The following STAP1 variants were observed in gnomAD, a reference collection of about 807,000 sequenced individuals.
The protein encoded by STAP1 is signal transducing adaptor family member 1, also known as signal-transducing adaptor protein 1.
Under a neutral mutation model 37.8 loss-of-function variants are expected in STAP1, and 30 were observed. The observed-to-expected ratio is 0.79, with a 90% CI of 0.59 to 1.08. The LOEUF (loss-of-function observed/expected upper bound fraction) is 1.08, where lower values mean the gene tolerates loss of function less well. Ranked by LOEUF, STAP1 falls within the 50% of genes least tolerant of loss-of-function variation. STAP1 has a pLI of 0.00. For synonymous variants in STAP1, 130 were observed against 116.0 expected, an observed-to-expected ratio of 1.12 and a Z score of -0.78; for missense variants, 357 against 349.4, an observed-to-expected ratio of 1.02 and a Z score of -0.17.
intron 6 of STAP1, among the ~76,000 whole-genome samples, chr4:67,590,100 C>T: frequency 6.6e-6 from 1 of 152,142 alleles, no homozygotes; most frequent in Non-Finnish European, 1.5e-5. Flanking sequence ...CCATCCCACT[C>T]ATCCAGCTCC....
intron 8 of STAP1, among the ~76,000 whole-genome samples, chr4:67,596,448 A>G (rs28490955): frequency 0.13 from 19,663 of 152,192 alleles, 2,424 homozygotes; most frequent in African/African-American, 0.32. Context: ...GGGTCCTGCT[A>G]TAAAGCAACT....
At chr4:67,604,667 A>G (rs1728412992) in intron 8 of STAP1, among the ~76,000 whole-genome samples, 1 of 152,168 alleles carries the variant, frequency 6.6e-6, no homozygotes, top group Non-Finnish European at 1.5e-5. Flanking sequence ...CTTCTTTTGT[A>G]TATCAAGTAA....
chr4:67,587,218 C>CA (rs199628610), intron 6 of STAP1, among the ~76,000 whole-genome samples: 1,850 of 152,292 alleles, frequency 0.012, 38 homozygotes, highest in African/African-American at 0.042. Flanking sequence ...GTATTACCCA[C>CA]AAAACCAATT....
chr4:67,586,169 C>A (rs752993296), intron 6 of STAP1, among the ~76,000 whole-genome samples: 18 of 151,988 alleles, frequency 1.2e-4, no homozygotes, highest in Non-Finnish European at 2.1e-4. Flanking sequence ...ATAAAGACTG[C>A]ATATTTCGGC....
chr4:67,572,201 A>T (rs1560458029), intron 2 of STAP1, among the ~76,000 whole-genome samples: 1 of 152,188 alleles, frequency 6.6e-6, no homozygotes, highest in Non-Finnish European at 1.5e-5. Flanking sequence ...TCAGACAGGA[A>T]ACTGGTAGGA....
chr4:67,567,973 A>G (rs113528885), intron 1 of STAP1, among the ~76,000 whole-genome samples: 141 of 152,352 alleles, frequency 9.3e-4, no homozygotes, highest in African/African-American at 3.3e-3. Flanking sequence ...GACTTGTTAC[A>G]TGGGAGAAGC....
At chr4:67,563,123 T>C (rs999143560) in intron 1 of STAP1, among the ~76,000 whole-genome samples, 1 of 152,134 alleles carries the variant, frequency 6.6e-6, no homozygotes, top group African/African-American at 2.4e-5. Flanking sequence ...TTGCTAGTTG[T>C]ATTAATGAGA....
chr4:67,599,510 AG>A (rs1728294209), intron 8 of STAP1, among the ~76,000 whole-genome samples: 1 of 152,084 alleles, frequency 6.6e-6, no homozygotes, highest in South Asian at 2.1e-4. Context: ...TGCTCATAGT[AG>A]TCTCTAATTA....
chr4:67,559,654 G>T (rs1727289813), intron 1 of STAP1, among the ~76,000 whole-genome samples: 2 of 151,856 alleles, frequency 1.3e-5, no homozygotes, highest in African/African-American at 4.8e-5. Context: ...ATTAATTAGA[G>T]AAATAAGCCC....
rs529759760 is a variant in STAP1 at position 67,581,452 on chromosome 4, G to T, written c.511G>T (p.Val171Leu). ...GGAACCAACTGAAGATTATGTGGAT[G>T]TACTGAACCCTATGCCAGCGTAAGT... ...EKEPTEDYVDVLNPMPACFYT... is the reference protein window; with the variant it reads ...EKEPTEDYVDLLNPMPACFYT... The change falls in exon 5 of 9, where the codon GTA becomes TTA. Residue 171 changes from valine (V) to leucine (L), a missense_variant. Transcript: ENST00000265404. 8 of 1,612,444 alleles carry T rather than the reference G, an allele frequency of 5.0e-6. No individual in the cohort carries two copies. Among genetic ancestry groups the T allele is most frequent in the Non-Finnish European group, 6.8e-6 (8 of 1,179,428 alleles).
chr4:67,592,884 A>C (rs776948014), intron 7 of STAP1, among the ~76,000 whole-genome samples: 1 of 152,084 alleles, frequency 6.6e-6, no homozygotes, highest in Admixed American at 6.6e-5. Flanking sequence ...GGATCTCGCT[A>C]TGTTGCTCAG....
chr4:67,562,337 G>A (rs1191035332), intron 1 of STAP1, among the ~76,000 whole-genome samples: 3 of 151,258 alleles, frequency 2.0e-5, no homozygotes, highest in Non-Finnish European at 4.4e-5. Context: ...GCGAAACTCC[G>A]TCTCAAAAAA....
intron 8 of STAP1, among the ~76,000 whole-genome samples, chr4:67,598,937 T>G (rs1337704851): frequency 6.6e-6 from 1 of 152,216 alleles, no homozygotes; most frequent in Non-Finnish European, 1.5e-5. Context: ...GATGCTGAAT[T>G]TTATCAAATG....
chr4:67,574,258 C>G (rs982563405), intron 2 of STAP1, among the ~76,000 whole-genome samples: 1 of 151,998 alleles, frequency 6.6e-6, no homozygotes, highest in East Asian at 1.9e-4. Context: ...TTGCCTAACT[C>G]TTGCATTGGT....
chr4:67,603,164 G>A lies in STAP1; in HGVS notation c.827-3132G>A, dbSNP rs1396532774. ...TCTCCCCATGACTACCACCACCCTA[G>A]TCCTGTGGCAAGTACTGCCCGGCTA... is the stretch of plus-strand genomic sequence containing the variant. On this transcript the variant is annotated intron_variant, in intron 8 of 8. Coordinates refer to ENST00000265404, the MANE Select transcript of STAP1 (RefSeq NM_012108.4). Among the ~76,000 whole-genome samples the A allele has an allele frequency of 2.6e-5, 4 of 152,076 alleles. No homozygotes were observed. In the East Asian group the frequency reaches 7.7e-4, roughly 29 times the overall value.
At chr4:67,595,152 T>G (rs968702058) in intron 8 of STAP1, among the ~76,000 whole-genome samples, 2 of 152,156 alleles carry the variant, frequency 1.3e-5, no homozygotes, top group African/African-American at 2.4e-5. Context: ...TGTTTCACAT[T>G]TAGATCTATG....
rs1039271026 is a variant in STAP1, at chr4:67,607,184, T to C, written c.*827T>C. 1 of 152,176 alleles carries C rather than the reference T, an allele frequency of 6.6e-6. No individual in the cohort carries two copies. 9.4% of individuals were successfully genotyped at this position (152,176 alleles called of 1,614,324 possible). ...ACTAAGAATGAAAAGATATGGTCTA[T>C]ATTCTACAGGGGAAAGACTATGTGA... On this transcript the variant is annotated 3_prime_UTR_variant, in exon 9 of 9. Coordinates refer to ENST00000265404, the MANE Select transcript of STAP1 (RefSeq NM_012108.4).
chr4:67,574,849 A>G (rs1727683779), intron 2 of STAP1, among the ~76,000 whole-genome samples: 1 of 152,186 alleles, frequency 6.6e-6, no homozygotes, highest in African/African-American at 2.4e-5. Flanking sequence ...TAATAAATCA[A>G]GCTTGATTTG....
At chr4:67,563,312 G>A (rs947418844) in intron 1 of STAP1, among the ~76,000 whole-genome samples, 1 of 152,160 alleles carries the variant, frequency 6.6e-6, no homozygotes, top group African/African-American at 2.4e-5. Context: ...AACCTTTTGA[G>A]GTATAACATA....
Sources: gnomAD v4.1 joint callset for allele counts (sites outside exome capture counted in the v4.1 genomes callset) on GRCh38, gnomAD v4.1.1 for gene constraint, MANE v1.5 for transcripts, NCBI Gene and HGNC (gene_info 2026-07-23, HGNC 2026-07-21) for gene names.